The following ARMCX1 variants were observed in gnomAD, a reference collection of about 807,000 sequenced individuals.
ARMCX1 encodes the protein armadillo repeat-containing X-linked protein 1.
In ARMCX1, 4 loss-of-function variants were observed where a neutral mutation model predicts 15.4. The ratio of observed to expected loss-of-function variants is 0.26; its 90% CI spans 0.13 to 0.59. The LOEUF is 0.59. Among genes scored for constraint, ARMCX1 ranks in the 20% least tolerant of loss-of-function variants. The pLI, the probability that ARMCX1 is intolerant of heterozygous loss-of-function variation, is 0.89. For synonymous variants in ARMCX1, 144 were observed against 130.5 expected (o/e 1.10, Z -0.71); for missense variants, 273 against 337.1 (o/e 0.81, Z 1.49).
chrX:101,550,898 C>T (rs1371903388), intron 1 of ARMCX1, 73 bp from the exon 2 acceptor site: 1 of 111,413 alleles, frequency 9.0e-6, no homozygotes, highest in African/African-American at 3.3e-5. Context: ...GATTCATGTC[C>T]TGTGTGCTGG....
chrX:101,554,071 T>C lies in ARMCX1; in HGVS notation c.1141T>C (p.Trp381Arg). The change falls in exon 4 of 4, where the codon TGG becomes CGG. Residue 381 changes from tryptophan (W) to arginine (R), a missense_variant. Trp to Arg is a moderately radical substitution (Grantham distance 101). Transcript: ENST00000372829. ...ATTGATTTCCCTCTTTAATAAAGAA[T>C]GGGATAGAGAGATTCTTCTTAATAT... is the stretch of plus-strand genomic sequence containing the variant. ...SELISLFNKE[W>R]DREILLNILT... is the part of the protein sequence containing the mutation. The C allele has an allele frequency of 8.3e-7, 1 of 1,209,472 alleles. No homozygotes were observed. The highest frequency in any genetic ancestry group is 1.8e-5 in the South Asian group (1 of 56,651).
rs1398388091 is a variant in ARMCX1 at position 101,553,396 on chromosome X, A to C, written c.466A>C (p.Arg156=). Residue 156 remains arginine, a synonymous_variant, in exon 4 of 4, where the codon AGG becomes CGG. Transcript: ENST00000372829. The stretch of plus-strand genomic sequence containing the variant: ...CAGGGGTGGAGGCTGCCACCCCACC[A>C]GGAGTGGATCTAGGGCCGGGGGCAG... ...GGRGGGCHPT[R]SGSRAGGRAS... 1.7e-6 allele frequency: 2 copies of C among 1,187,688 alleles called. No individual in the cohort carries two copies. The highest frequency in any genetic ancestry group is 3.5e-5 in the African/African-American group (2 of 56,388).
chrX:101,553,703 C>T lies in ARMCX1; in HGVS notation c.773C>T (p.Thr258Ile), dbSNP rs782445638. 4.0e-5 allele frequency: 48 copies of T among 1,209,118 alleles called. No individual in the cohort carries two copies. In the South Asian group the frequency reaches 5.5e-4, roughly 14 times the overall value. ...CCAATTATTGCAAAACTGATAAAAA[C>T]AAAAGACCCCATAATTAGGGAAAAG... The part of the protein sequence containing the change: ...GVPIIAKLIK[T>I]KDPIIREKTY... Residue 258 changes from threonine to isoleucine, a missense_variant, in exon 4 of 4, where the codon ACA becomes ATA. By Grantham distance (89) the Thr-to-Ile change is moderately conservative. This residue lies in a region of ARMCX1 where 126 missense variants were observed against 193.6 expected (regional missense o/e 0.65). Transcript: ENST00000372829.
In ARMCX1 at chrX:101,553,313, G is replaced by C; in HGVS notation, c.383G>C (p.Arg128Thr). The change falls in exon 4 of 4, where the codon AGG becomes ACG. Residue 128 changes from arginine to threonine, a missense_variant. Physicochemically the swap from Arg to Thr is moderately conservative, Grantham distance 71. Transcript: ENST00000372829. ...QASAKAGKGA[R>T]VGTISGNRTL... ...AGTGCAAAGGCAGGCAAAGGGGCTA[G>C]GGTGGGTACCATCTCTGGGAACAGG... 8.3e-7 allele frequency: 1 copy of C among 1,208,814 alleles called. No homozygotes were observed. Among genetic ancestry groups the C allele is most frequent in the Non-Finnish European group, 1.1e-6 (1 of 894,243 alleles).
At chrX:101,552,015 T>TG (rs372253601) in intron 3 of ARMCX1, among the ~76,000 whole-genome samples, 1,392 of 8,006 alleles carry the variant, frequency 0.17, 107 homozygotes, top group Middle Eastern at 0.33. Context: ...TGACACGGGG[T>TG]GGGGGGGGGG....
rs1556027467 is a variant in ARMCX1, at chrX:101,553,840, G to A, written c.910G>A (p.Val304Met). The A allele has an allele frequency of 1.7e-6, 2 of 1,211,471 alleles. No individual in the cohort carries two copies. The highest frequency in any genetic ancestry group is 3.5e-5 in the South Asian group (2 of 56,977). Residue 304 changes from valine (V) to methionine (M), a missense_variant, in exon 4 of 4, where the codon GTG becomes ATG. Physicochemically the swap from Val to Met is conservative, Grantham distance 21 (BLOSUM62 1). Around this residue, in one of 2 missense-constraint regions of ARMCX1, gnomAD observed 126 missense variants for 193.6 expected, o/e 0.65. Transcript: ENST00000372829. ...CATGGTCTGTCGCTTGGACTCAGCT[G>A]TGCAGATGGCTGGGCTAAGACTGTT... ...DTMVCRLDSA[V>M]QMAGLRLLTN...
At chrX:101,552,558 G>A (rs1556027122) in intron 3 of ARMCX1, among the ~76,000 whole-genome samples, 1 of 111,327 alleles carries the variant, frequency 9.0e-6, no homozygotes, top group Non-Finnish European at 1.9e-5. Flanking sequence ...GAAGGGCAGG[G>A]GTGGCAGGGA....
chrX:101,552,919 C>G lies in ARMCX1; in HGVS notation c.-12C>G, dbSNP rs370566678. On this transcript the variant is annotated 5_prime_UTR_variant, in exon 4 of 4. Transcript: ENST00000372829. The stretch of plus-strand genomic sequence containing the variant: ...TTTGTGCTCGGGTTAAGAGATTTGT[C>G]CCAGCTATACCATGGGCCGCACTCG... 195 of 1,198,624 alleles carry G rather than the reference C, an allele frequency of 1.6e-4. No homozygotes were observed. In the African/African-American group the frequency reaches 3.1e-3, roughly 19 times the overall value.
In ARMCX1 at chrX:101,554,040, A is replaced by G. The variant is rs1444333611; in HGVS notation, c.1110A>G (p.Pro370=). 6 of 1,209,792 alleles carry G rather than the reference A, an allele frequency of 5.0e-6. No individual in the cohort carries two copies. Among genetic ancestry groups the G allele is most frequent in the Non-Finnish European group, 3.4e-6 (3 of 894,844 alleles). ...MTRELVSCKV[P]SELISLFNKE... ...GAGAGCTGGTCAGTTGTAAAGTACC[A>G]TCAGAATTGATTTCCCTCTTTAATA... Residue 370 remains proline, a synonymous_variant, in exon 4 of 4, where the codon CCA becomes CCG. Transcript: ENST00000372829.
intron 3 of ARMCX1, among the ~76,000 whole-genome samples, chrX:101,552,037 C>T (rs1442150330): frequency 1.2e-5 from 1 of 85,798 alleles, no homozygotes. Context: ...GCGGCGGTGT[C>T]CTGGTACATT....
chrX:101,553,714 A>G lies in ARMCX1; in HGVS notation c.784A>G (p.Ile262Val), dbSNP rs782561639. The G allele has an allele frequency of 8.3e-7, 1 of 1,211,177 alleles. No individual in the cohort carries two copies. Among genetic ancestry groups the G allele is most frequent in the Non-Finnish European group, 1.1e-6 (1 of 895,226 alleles). Residue 262 changes from isoleucine (I) to valine (V), a missense_variant, in exon 4 of 4, where the codon ATA (isoleucine) becomes GTA (valine). Physicochemically the swap from Ile to Val is conservative, Grantham distance 29. This residue lies in a region of ARMCX1 where 126 missense variants were observed against 193.6 expected (regional missense o/e 0.65). Coordinates refer to ENST00000372829, the MANE Select transcript of ARMCX1 (RefSeq NM_016608.2). ...IAKLIKTKDP[I>V]IREKTYNALN... is the part of the protein sequence containing the mutation. ...AAAACTGATAAAAACAAAAGACCCC[A>G]TAATTAGGGAAAAGACTTACAATGC...
Position 101,552,805 on chromosome X carries a change from C to T in ARMCX1, c.-122-4C>T. Reference sequence around the variant, plus strand: ...GAAATCTGAAATGCATCCTTTATTCCTAGGTCGAGCTGCCTCAGAGCCGGC... The same window carrying T: ...GAAATCTGAAATGCATCCTTTATTCTTAGGTCGAGCTGCCTCAGAGCCGGC... On this transcript the variant is annotated splice_polypyrimidine_tract_variant and splice_region_variant and intron_variant, in intron 3 of 3. Coordinates refer to ENST00000372829, the MANE Select transcript of ARMCX1 (RefSeq NM_016608.2). 4.0e-6 allele frequency: 3 copies of T among 749,293 alleles called. No homozygotes were observed. Among genetic ancestry groups the T allele is most frequent in the Non-Finnish European group, 5.7e-6 (3 of 528,326 alleles). The allele number at this position is 749,293 out of a possible 1,213,427, so 61.8% of individuals were successfully genotyped here. A position where few individuals can be genotyped will look rare whatever the true frequency, so the allele number is the denominator to read the frequency against.
At position 101,553,085 on chromosome X, in the gene ARMCX1, T is replaced by C. The variant is rs138439696; in HGVS notation, c.155T>C (p.Val52Ala). 6.9e-5 allele frequency: 83 copies of C among 1,208,535 alleles called. No individual in the cohort carries two copies. The highest frequency in any genetic ancestry group is 9.1e-5 in the Non-Finnish European group (81 of 894,763). Residue 52 changes from valine to alanine, a missense_variant, in exon 4 of 4, where the codon GTT becomes GCT. Val to Ala is a moderately conservative substitution (Grantham distance 64). Transcript: ENST00000372829. Reference protein sequence around the residue: ...EESTDTSEIGVETVKGAKTNA... With the variant: ...EESTDTSEIGAETVKGAKTNA... ...TCTACGGACACCTCAGAGATTGGGG[T>C]TGAGACTGTGAAAGGAGCTAAAACT... is the stretch of plus-strand genomic sequence containing the variant.
rs782189934 is a variant in ARMCX1, at chrX:101,553,412, C to G, written c.482C>G (p.Ala161Gly). Residue 161 changes from alanine (A) to glycine (G), a missense_variant, in exon 4 of 4, where the codon GCC (alanine) becomes GGC (glycine). Physicochemically the swap from Ala to Gly is moderately conservative, Grantham distance 60. Coordinates refer to ENST00000372829, the MANE Select transcript of ARMCX1 (RefSeq NM_016608.2). Reference sequence around the variant, plus strand: ...CACCCCACCAGGAGTGGATCTAGGGCCGGGGGCAGGGCAAGTGGAAAATCC... The same window carrying G: ...CACCCCACCAGGAGTGGATCTAGGGGCGGGGGCAGGGCAAGTGGAAAATCC... Reference protein sequence around the residue: ...GCHPTRSGSRAGGRASGKSKG... With the variant: ...GCHPTRSGSRGGGRASGKSKG... 5.9e-6 allele frequency: 7 copies of G among 1,190,885 alleles called. No homozygotes were observed. Among genetic ancestry groups the G allele is most frequent in the Non-Finnish European group, 7.9e-6 (7 of 886,071 alleles).
rs1556027254 is a variant in ARMCX1 at position 101,553,015 on chromosome X, T to G, written c.85T>G (p.Trp29Gly). ...CTGCTACTGTGTATACAGACTGGCT[T>G]GGGGAAGAGACGAGAACGAGAAAAT... The part of the protein sequence containing the change: ...GACYCVYRLA[W>G]GRDENEKIWD... Residue 29 changes from tryptophan (W) to glycine (G), a missense_variant, in exon 4 of 4, where the codon TGG becomes GGG. By Grantham distance (184) the Trp-to-Gly change is radical. Around this residue, in one of 2 missense-constraint regions of ARMCX1, gnomAD observed 147 missense variants for 143.5 expected, o/e 1.02. Coordinates refer to ENST00000372829, the MANE Select transcript of ARMCX1 (RefSeq NM_016608.2). 1 of 1,211,503 alleles carries G rather than the reference T, an allele frequency of 8.3e-7. No individual in the cohort carries two copies. Among genetic ancestry groups the G allele is most frequent in the African/African-American group, 1.7e-5 (1 of 57,687 alleles).
In ARMCX1 at chrX:101,553,641, A is replaced by G; in HGVS notation, c.711A>G (p.Ser237=). Reference sequence around the variant, plus strand: ...CTCTGGGTAACAATGCAGCATATTCATTTAACCAGAATGCCATACGTGAAT... The same window carrying G: ...CTCTGGGTAACAATGCAGCATATTCGTTTAACCAGAATGCCATACGTGAAT... ...LVTLGNNAAY[S]FNQNAIRELG... The change falls in exon 4 of 4, where the codon TCA becomes TCG. Residue 237 remains serine (S), a synonymous_variant. Transcript: ENST00000372829. The G allele has an allele frequency of 8.3e-7, 1 of 1,211,998 alleles. No individual in the cohort carries two copies. Among genetic ancestry groups the G allele is most frequent in the East Asian group, 3.0e-5 (1 of 33,866 alleles).
At chrX:101,552,019 G>C (rs1300330852) in intron 3 of ARMCX1, among the ~76,000 whole-genome samples, 3 of 61,737 alleles carry the variant, frequency 4.9e-5, no homozygotes, top group Non-Finnish European at 8.9e-5. Flanking sequence ...ACGGGGTGGG[G>C]GGGGGGGGCG....
chrX:101,553,396 A>G lies in ARMCX1; in HGVS notation c.466A>G (p.Arg156Gly). The change falls in exon 4 of 4, where the codon AGG becomes GGG. Residue 156 changes from arginine to glycine, a missense_variant. Arg to Gly is a moderately radical substitution (Grantham distance 125). Transcript: ENST00000372829. ...CAGGGGTGGAGGCTGCCACCCCACC[A>G]GGAGTGGATCTAGGGCCGGGGGCAG... is the stretch of plus-strand genomic sequence containing the variant. ...GGRGGGCHPT[R>G]SGSRAGGRAS... 3.4e-6 allele frequency: 4 copies of G among 1,189,762 alleles called. No homozygotes were observed. Among genetic ancestry groups the G allele is most frequent in the Non-Finnish European group, 4.5e-6 (4 of 885,313 alleles).
In ARMCX1 at chrX:101,551,041, A is replaced by T. The variant is rs1407014021; in HGVS notation, c.-188+17A>T. On this transcript the variant is annotated intron_variant, in intron 2 of 3. Coordinates refer to ENST00000372829, the MANE Select transcript of ARMCX1 (RefSeq NM_016608.2). ...TCCCTGCAGGTCAGTGTAAAGCTGG[A>T]GCTGTCCCGCGGCGCCCAGAAGGAC... 9.0e-6 allele frequency: 1 copy of T among 111,035 alleles called. No homozygotes were observed. Among genetic ancestry groups the T allele is most frequent in the Non-Finnish European group, 1.9e-5 (1 of 52,970 alleles). 9.2% of individuals were successfully genotyped at this position (111,035 alleles called of 1,213,427 possible).
Sources: allele counts gnomAD v4.1 joint callset (sites outside exome capture counted in the v4.1 genomes callset), GRCh38; gene constraint gnomAD v4.1.1; regional missense constraint gnomAD v4.1.1; transcripts MANE v1.5; gene names NCBI Gene and HGNC (gene_info 2026-07-23, HGNC 2026-07-21).